The following EML6 variants were observed in gnomAD, a reference collection of about 807,000 sequenced individuals.
EML6 encodes EMAP like 6, also known as echinoderm microtubule-associated protein-like 6.
Under a neutral mutation model 240.1 loss-of-function variants are expected in EML6, and 154 were observed. That is an observed-to-expected ratio of 0.64 (90% CI 0.56 to 0.73). EML6 has a LOEUF of 0.73. Ranked by LOEUF, EML6 falls within the 30% of genes least tolerant of loss-of-function variation. The pLI, the probability that EML6 is intolerant of heterozygous loss-of-function variation, is 0.00. For synonymous variants in EML6, 1,148 were observed against 899.0 expected, an observed-to-expected ratio of 1.28 and a Z score of -4.95; for missense variants, 2,964 against 2,474.6, an observed-to-expected ratio of 1.20 and a Z score of -4.20.
rs1483251120 is a variant in EML6, at chr2:54,903,461, G to C, written c.3368G>C (p.Gly1123Ala). The C allele has an allele frequency of 6.4e-7, 1 of 1,551,880 alleles. No individual in the cohort carries two copies. Among genetic ancestry groups the C allele is most frequent in the Non-Finnish European group, 8.7e-7 (1 of 1,146,898 alleles). The change falls in exon 24 of 42, where the codon GGT (glycine) becomes GCT (alanine). Residue 1123 changes from glycine to alanine, a missense_variant. Transcript: ENST00000356458. ...AGCAAAAGGGTTGGCATCTGTAAAG[G>C]TGCTTCTAGTTATATTACACACATT... ...LTSKRVGICK[G>A]ASSYITHIDW... is the part of the protein sequence containing the mutation.
At chr2:54,959,885 G>A (rs1258909826) in intron 34 of EML6, among the ~76,000 whole-genome samples, 1 of 152,264 alleles carries the variant, frequency 6.6e-6, no homozygotes, top group Non-Finnish European at 1.5e-5. Context: ...AGGAGGAGAA[G>A]AGGGGAGATG....
intron 35 of EML6, among the ~76,000 whole-genome samples, chr2:54,961,590 T>C (rs1371427430): frequency 6.6e-6 from 1 of 152,046 alleles, no homozygotes; most frequent in African/African-American, 2.4e-5. Flanking sequence ...TGGAATATTC[T>C]GGCAGAGGCT....
chr2:54,964,205 T>G, intron 37 of EML6, 47 bp downstream of exon 37: 1 of 1,524,902 alleles, frequency 6.6e-7, no homozygotes, highest in Non-Finnish European at 8.8e-7. Flanking sequence ...GCAAGCATTC[T>G]GCTTACCAGT....
intron 10 of EML6, among the ~76,000 whole-genome samples, chr2:54,851,228 G>A (rs752478121): frequency 2.0e-5 from 3 of 152,004 alleles, no homozygotes; most frequent in Non-Finnish European, 4.4e-5. Flanking sequence ...GGCCAACATG[G>A]TGAAGTCCCA....
Position 54,892,637 on chromosome 2 carries a change from C to T in EML6, c.2723C>T (p.Ala908Val), listed in dbSNP as rs1234667740. The T allele has an allele frequency of 6.4e-7, 1 of 1,551,464 alleles. No individual in the cohort carries two copies. Among genetic ancestry groups the T allele is most frequent in the South Asian group, 1.2e-5 (1 of 84,048 alleles). ...TVKAHDGPVF[A>V]MYALDKGFVT... ...AAAGCTCATGATGGGCCTGTGTTTG[C>T]TATGTATGCACTGGATAAGGTATGG... Residue 908 changes from alanine to valine, a missense_variant, in exon 19 of 42, where the codon GCT (alanine) becomes GTT (valine). Ala to Val is a moderately conservative substitution (Grantham distance 64). Coordinates refer to ENST00000356458, the MANE Select transcript of EML6 (RefSeq NM_001039753.4).
At chr2:54,779,999 T>C (rs1668781061) in intron 2 of EML6, among the ~76,000 whole-genome samples, 1 of 151,914 alleles carries the variant, frequency 6.6e-6, no homozygotes, top group Non-Finnish European at 1.5e-5. Context: ...TACGGAAATG[T>C]ACAATAATAC....
chr2:54,898,379 G>C (rs1169154429), intron 21 of EML6, among the ~76,000 whole-genome samples: 3 of 152,134 alleles, frequency 2.0e-5, no homozygotes, highest in African/African-American at 7.2e-5. Context: ...TCAGTCTATA[G>C]AAGAGCTTCA....
In EML6 at chr2:54,964,089, T is replaced by A; in HGVS notation, c.5261T>A (p.Ile1754Asn). ...GGCATGAAGAATGGAGAGTTTGTCATCTTGTTGGTGAACAGCCTGAAAGTT... is the reference window on the plus strand; with the variant it reads ...GGCATGAAGAATGGAGAGTTTGTCAACTTGTTGGTGAACAGCCTGAAAGTT... The part of the protein sequence containing the change: ...AIGMKNGEFV[I>N]LLVNSLKVWG... The change falls in exon 37 of 42, where the codon ATC becomes AAC. Residue 1754 changes from isoleucine to asparagine, a missense_variant. Ile to Asn is a moderately radical substitution (Grantham distance 149). Coordinates refer to ENST00000356458, the MANE Select transcript of EML6 (RefSeq NM_001039753.4). 1 of 1,551,726 alleles carries A rather than the reference T, an allele frequency of 6.4e-7. No individual in the cohort carries two copies. The highest frequency in any genetic ancestry group is 8.7e-7 in the Non-Finnish European group (1 of 1,147,008).
chr2:54,869,687 C>A (rs893189130), intron 15 of EML6, among the ~76,000 whole-genome samples: 3 of 151,448 alleles, frequency 2.0e-5, no homozygotes, highest in Admixed American at 2.0e-4. Flanking sequence ...TTAGTATATC[C>A]TAGGTACTCA....
Position 54,970,243 on chromosome 2 carries a change from C to A in EML6, c.*148C>A. The A allele has an allele frequency of 1.3e-6, 1 of 749,754 alleles. No individual in the cohort carries two copies. The allele number at this position is 749,754 out of a possible 1,614,324, so 46.4% of individuals were successfully genotyped here. A position where few individuals can be genotyped will look rare whatever the true frequency, so the allele number is the denominator to read the frequency against. ...CAAGCTCAAAACGCTGCAGAAGTTA[C>A]ACAACTGCTCCCATAATCTGGACTC... On this transcript the variant is annotated 3_prime_UTR_variant, in exon 42 of 42. Transcript: ENST00000356458.
intron 25 of EML6, 48 bp downstream of exon 25, chr2:54,911,090 A>C: frequency 1.0e-6 from 1 of 973,962 alleles, no homozygotes; most frequent in Non-Finnish European, 1.6e-6. Flanking sequence ...TGAAGATTTA[A>C]TATGTGCATT....
rs769758660 is a variant in EML6, at chr2:54,813,312, A to G, written c.278A>G (p.Tyr93Cys). The G allele has an allele frequency of 1.3e-6, 2 of 1,551,326 alleles. No individual in the cohort carries two copies. Among genetic ancestry groups the G allele is most frequent in the Non-Finnish European group, 1.7e-6 (2 of 1,146,588 alleles). The change falls in exon 3 of 42, where the codon TAT becomes TGT. Residue 93 changes from tyrosine to cysteine, a missense_variant. Physicochemically the swap from Tyr to Cys is radical, Grantham distance 194. Transcript: ENST00000356458. ...KEPYICIWDS[Y>C]NVQTVSLLKD... Reference sequence around the variant, plus strand: ...CCATATATATGCATATGGGATTCCTATAATGTCCAGACTGTGTCTCTTCTT... The same window carrying G: ...CCATATATATGCATATGGGATTCCTGTAATGTCCAGACTGTGTCTCTTCTT...
intron 5 of EML6, among the ~76,000 whole-genome samples, chr2:54,824,087 C>T (rs1668471896): frequency 6.6e-6 from 1 of 152,106 alleles, no homozygotes; most frequent in African/African-American, 2.4e-5. Context: ...CTTTAGTGAA[C>T]TACCTTGCCT....
At chr2:54,759,549 A>G (rs1462966086) in intron 2 of EML6, among the ~76,000 whole-genome samples, 1 of 152,144 alleles carries the variant, frequency 6.6e-6, no homozygotes, top group Non-Finnish European at 1.5e-5. Flanking sequence ...TAAAGGTTTT[A>G]TAGAGTTTTT....
intron 2 of EML6, among the ~76,000 whole-genome samples, chr2:54,731,465 C>A (rs1010889162): frequency 2.0e-5 from 3 of 152,028 alleles, no homozygotes; most frequent in Admixed American, 1.3e-4. Flanking sequence ...CATAGGGAGA[C>A]CCCATTGCTA....
intron 28 of EML6, among the ~76,000 whole-genome samples, chr2:54,931,960 A>G (rs556061383): frequency 6.6e-6 from 1 of 152,358 alleles, no homozygotes; most frequent in East Asian, 1.9e-4. Context: ...CCTAATTCCT[A>G]AATTTTAAGA....
At chr2:54,939,421 C>G (rs889131600) in intron 28 of EML6, among the ~76,000 whole-genome samples, 1 of 152,220 alleles carries the variant, frequency 6.6e-6, no homozygotes, top group Admixed American at 6.5e-5. Context: ...TCAGGCAACT[C>G]TCCTTTCTCT....
chr2:54,798,218 G>C (rs1422348031), intron 2 of EML6, among the ~76,000 whole-genome samples: 1 of 152,104 alleles, frequency 6.6e-6, no homozygotes, highest in Non-Finnish European at 1.5e-5. Context: ...TGTTGCCCAG[G>C]CTGGAGTGCA....
At position 54,959,233 on chromosome 2, in the gene EML6, C is replaced by G; in HGVS notation, c.4825C>G (p.Leu1609Val). The G allele has an allele frequency of 1.3e-6, 2 of 1,546,418 alleles. No homozygotes were observed. Among genetic ancestry groups the G allele is most frequent in the Non-Finnish European group, 8.7e-7 (1 of 1,144,710 alleles). Residue 1609 changes from leucine to valine, a missense_variant, in exon 34 of 42, where the codon CTC (leucine) becomes GTC (valine). By Grantham distance (32) the Leu-to-Val change is conservative. Transcript: ENST00000356458. ...AATGTACACAACCCTTCGGGATGGA[C>G]TCATAGTGACCGGCGGAAAAGAGAG... ...FTMYTTLRDGLIVTGGKERPT... is the reference protein window; with the variant it reads ...FTMYTTLRDGVIVTGGKERPT...
Sources: allele counts gnomAD v4.1 joint callset (sites outside exome capture counted in the v4.1 genomes callset), GRCh38; gene constraint gnomAD v4.1.1; transcripts MANE v1.5; gene names NCBI Gene and HGNC (gene_info 2026-07-23, HGNC 2026-07-21).